HIPK2: variants seen among roughly 807,000 people sequenced by gnomAD.
HIPK2 encodes homeodomain interacting protein kinase 2.
In HIPK2, 27 loss-of-function variants were observed where a neutral mutation model predicts 113.7. The observed-to-expected ratio is 0.24, with a 90% CI of 0.17 to 0.33. The LOEUF is 0.33. Among genes scored for constraint, HIPK2 ranks in the 10% least tolerant of loss-of-function variants. The pLI is 1.00. For synonymous variants in HIPK2, 631 were observed against 642.2 expected, an observed-to-expected ratio of 0.98 and a Z score of 0.26; for missense variants, 1,257 against 1,588.0, an observed-to-expected ratio of 0.79 and a Z score of 3.54.
intron 1 of HIPK2, among the ~76,000 whole-genome samples, chr7:139,767,699 T>C (rs1024822857): frequency 1.3e-5 from 2 of 152,242 alleles, no homozygotes; most frequent in Non-Finnish European, 2.9e-5. Context: ...AGCAATCATA[T>C]GTATGAGACC....
At chr7:139,723,140 T>C (rs764978496) in intron 1 of HIPK2, among the ~76,000 whole-genome samples, 61 of 151,962 alleles carry the variant, frequency 4.0e-4, no homozygotes, top group Non-Finnish European at 8.8e-5. Context: ...TATCTAAAAA[T>C]CTTCATGATT....
chr7:139,717,894 C>T (rs1224981763), intron 1 of HIPK2, among the ~76,000 whole-genome samples: 1 of 151,614 alleles, frequency 6.6e-6, no homozygotes, highest in East Asian at 1.9e-4. Flanking sequence ...TAGGTTCCTG[C>T]CACCACGCCC....
intron 2 of HIPK2, among the ~76,000 whole-genome samples, chr7:139,645,916 G>A (rs1439611795): frequency 2.6e-5 from 4 of 152,176 alleles, no homozygotes; most frequent in Non-Finnish European, 4.4e-5. Flanking sequence ...AGAAGATCTT[G>A]CCAAACAAAA....
Position 139,758,061 on chromosome 7 carries a change from A to G in HIPK2, c.19+19544T>C, listed in dbSNP as rs571324993. ...GACGGGAAGACTCAACCTTGTAAAGATGTTAATTCCTCCTAAGAAATTTAT... is the reference window on the plus strand; with the variant it reads ...GACGGGAAGACTCAACCTTGTAAAGGTGTTAATTCCTCCTAAGAAATTTAT... On this transcript the variant is annotated intron_variant, in intron 1 of 14. Coordinates refer to ENST00000406875, the MANE Select transcript of HIPK2 (RefSeq NM_022740.5). 6.8e-4 allele frequency among the ~76,000 whole-genome samples: 103 copies of G among 152,348 alleles called. 3 individuals carry two copies. The South Asian group carries it at 0.02, about 29-fold the overall frequency.
At chr7:139,706,918 C>T (rs757217953) in intron 2 of HIPK2, among the ~76,000 whole-genome samples, 5 of 152,214 alleles carry the variant, frequency 3.3e-5, no homozygotes, top group Non-Finnish European at 7.3e-5. Flanking sequence ...CACCTTGCAT[C>T]GCTTTGCTTT....
At chr7:139,607,868 A>G (rs941918754) in intron 9 of HIPK2, among the ~76,000 whole-genome samples, 4 of 152,148 alleles carry the variant, frequency 2.6e-5, no homozygotes, top group African/African-American at 9.7e-5. Flanking sequence ...AATGGAAAAA[A>G]AAATCCATAA....
rs113538689 is a variant in HIPK2 at position 139,751,565 on chromosome 7, T to G, written c.19+26040A>C. Among the ~76,000 whole-genome samples, 1,031 of 145,644 alleles carry G rather than the reference T, an allele frequency of 7.1e-3. 5 individuals carry two copies. The highest frequency in any genetic ancestry group is 0.011 in the Non-Finnish European group (749 of 66,362). On this transcript the variant is annotated intron_variant, in intron 1 of 14. Transcript: ENST00000406875. ...AGGGAGGGAGGGAGGGAGGGAGGGA[T>G]GGATGGATGGATGGTTGGATGGATA...
At position 139,577,903 on chromosome 7, in the gene HIPK2, C is replaced by A. The variant is rs957529140; in HGVS notation, c.2966-2615G>T. On this transcript the variant is annotated intron_variant, in intron 13 of 14. Transcript: ENST00000406875. ...TCTTGCTCTGTCTCCCAGGCTGGAG[C>A]GCAGTGGTGTGATCTTGGCTCACTG... Among the ~76,000 whole-genome samples the A allele has an allele frequency of 3.3e-5, 5 of 151,504 alleles. No individual in the cohort carries two copies. In the East Asian group the frequency reaches 9.8e-4, roughly 30 times the overall value.
intron 1 of HIPK2, among the ~76,000 whole-genome samples, chr7:139,744,736 C>A (rs1796161683): frequency 6.6e-6 from 1 of 152,182 alleles, no homozygotes; most frequent in Non-Finnish European, 1.5e-5. Context: ...CGCTGCGAAG[C>A]CACGTGACGG....
At chr7:139,686,443 T>C (rs1357530523) in intron 2 of HIPK2, among the ~76,000 whole-genome samples, 1 of 150,624 alleles carries the variant, frequency 6.6e-6, no homozygotes, top group Non-Finnish European at 1.5e-5. Context: ...TCATCTTGAA[T>C]TGTAGTTCCC....
intron 2 of HIPK2, among the ~76,000 whole-genome samples, chr7:139,695,146 C>T (rs2116811701): frequency 6.6e-6 from 1 of 152,312 alleles, no homozygotes; most frequent in South Asian, 2.1e-4. Context: ...ACACCATCTC[C>T]ATGAAAAAGT....
chr7:139,710,079 C>A (rs981491317), intron 2 of HIPK2, among the ~76,000 whole-genome samples: 1 of 150,960 alleles, frequency 6.6e-6, no homozygotes, highest in Admixed American at 6.6e-5. Context: ...TTTTTTTTTT[C>A]TTTGCCATTC....
chr7:139,615,110 GAGGCTCTTGC>G (rs1799991641), intron 7 of HIPK2, among the ~76,000 whole-genome samples: 4 of 152,374 alleles, frequency 2.6e-5, no homozygotes, highest in Admixed American at 2.6e-4. Flanking sequence ...AATCCAGGGG[GAGGCTCTTGC>G]AGGCCCTAAA....
chr7:139,681,001 C>T (rs139646598), intron 2 of HIPK2, among the ~76,000 whole-genome samples: 129 of 152,346 alleles, frequency 8.5e-4, no homozygotes, highest in African/African-American at 2.8e-3. Flanking sequence ...TTCATCTTTC[C>T]TCTTAGCTGG....
At chr7:139,743,341 T>C (rs1796137577) in intron 1 of HIPK2, among the ~76,000 whole-genome samples, 1 of 152,192 alleles carries the variant, frequency 6.6e-6, no homozygotes, top group Non-Finnish European at 1.5e-5. Context: ...GTCAAAGGTT[T>C]CCTAGAAAAC....
rs1445897744 is a variant in HIPK2 at position 139,614,326 on chromosome 7, C to T, written c.1950G>A (p.Pro650=). The part of the protein sequence containing the change: ...GTAQICARPD[P]FQQALIVCPP... Reference sequence around the variant, plus strand: ...GACACACGATGAGAGCTTGCTGGAACGGGTCAGGCCGGGCACAAATCTGGG... The same window carrying T: ...GACACACGATGAGAGCTTGCTGGAATGGGTCAGGCCGGGCACAAATCTGGG... The change falls in exon 8 of 15, where the codon CCG becomes CCA. Residue 650 remains proline, a synonymous_variant. Coordinates refer to ENST00000406875, the MANE Select transcript of HIPK2 (RefSeq NM_022740.5). 12 of 1,555,500 alleles carry T rather than the reference C, an allele frequency of 7.7e-6. No homozygotes were observed. The highest frequency in any genetic ancestry group is 2.4e-5 in the East Asian group (1 of 41,966).
intron 2 of HIPK2, among the ~76,000 whole-genome samples, chr7:139,665,969 A>G (rs1294501005): frequency 8.0e-6 from 1 of 124,618 alleles, no homozygotes; most frequent in African/African-American, 2.9e-5. Flanking sequence ...TTTTTTTTTT[A>G]AACACTGAGC....
intron 1 of HIPK2, among the ~76,000 whole-genome samples, chr7:139,740,031 C>A (rs180922601): frequency 6.6e-6 from 1 of 152,098 alleles, no homozygotes; most frequent in African/African-American, 2.4e-5. Context: ...TTATTCCTCT[C>A]GGGTACATAC....
At chr7:139,690,981 C>T (rs1459814448) in intron 2 of HIPK2, among the ~76,000 whole-genome samples, 1 of 152,226 alleles carries the variant, frequency 6.6e-6, no homozygotes, top group Non-Finnish European at 1.5e-5. Flanking sequence ...CCTGGGAAGC[C>T]TGCAAATGCT....
Sources: allele counts gnomAD v4.1 joint callset (sites outside exome capture counted in the v4.1 genomes callset), GRCh38; gene constraint gnomAD v4.1.1; transcripts MANE v1.5; gene names NCBI Gene and HGNC (gene_info 2026-07-23, HGNC 2026-07-21).